The following TBL1X variants were observed in gnomAD, a reference collection of about 807,000 sequenced individuals.
The protein encoded by TBL1X is transducin beta like 1 X-linked.
A neutral mutation model predicts 50.7 loss-of-function variants in TBL1X; 10 were observed. The observed-to-expected ratio is 0.20, with a 90% CI of 0.12 to 0.33. The LOEUF is 0.33. Among genes scored for constraint, TBL1X ranks in the 10% least tolerant of loss-of-function variants. The probability of loss-of-function intolerance (pLI) is 1.00; values close to 1 mark genes in which losing one functional copy is unlikely to be tolerated. For missense variants in TBL1X, 340 were observed against 504.4 expected (o/e 0.67, Z 3.12); for synonymous variants, 190 against 214.7 (o/e 0.88, Z 1.01).
intron 2 of TBL1X, among the ~76,000 whole-genome samples, chrX:9,507,374 C>G (rs2082031335): frequency 9.0e-6 from 1 of 111,388 alleles, no homozygotes; most frequent in Admixed American, 9.6e-5. Flanking sequence ...CCTAGGAATA[C>G]AAGTAACAAG....
intron 2 of TBL1X, among the ~76,000 whole-genome samples, chrX:9,583,989 G>A (rs1480842700): frequency 8.9e-6 from 1 of 112,304 alleles, no homozygotes; most frequent in Non-Finnish European, 1.9e-5. Context: ...AAAATGTATG[G>A]AATGAAGCTC....
intron 2 of TBL1X, among the ~76,000 whole-genome samples, chrX:9,585,884 T>G (rs746433419): frequency 8.9e-6 from 1 of 112,140 alleles, no homozygotes; most frequent in South Asian, 3.7e-4. Context: ...GGAACACAGT[T>G]GAACCCGTAG....
At chrX:9,686,081 C>T (rs1038245377) in intron 6 of TBL1X, among the ~76,000 whole-genome samples, 6 of 111,425 alleles carry the variant, frequency 5.4e-5, no homozygotes, top group Admixed American at 9.5e-5. Flanking sequence ...TTCGAAACTC[C>T]GGTGTTTTTT....
At chrX:9,537,168 G>T (rs1177709886) in intron 2 of TBL1X, among the ~76,000 whole-genome samples, 1 of 111,352 alleles carries the variant, frequency 9.0e-6, no homozygotes, top group Admixed American at 9.5e-5. Context: ...AGGGATCTTG[G>T]TTTTTACCTT....
At chrX:9,517,492 C>T (rs188203767) in intron 2 of TBL1X, among the ~76,000 whole-genome samples, 164 of 111,614 alleles carry the variant, frequency 1.5e-3, no homozygotes, top group African/African-American at 5.1e-3. Flanking sequence ...TGCATTCAAG[C>T]CAGCATAGCA....
chrX:9,590,932 G>T (rs944555105), intron 2 of TBL1X, among the ~76,000 whole-genome samples: 6 of 103,891 alleles, frequency 5.8e-5, no homozygotes, highest in African/African-American at 1.8e-4. Flanking sequence ...TCAGGGGGCT[G>T]TGCCTTTCTC....
chrX:9,517,436 A>G (rs1175106143), intron 2 of TBL1X, among the ~76,000 whole-genome samples: 1 of 111,706 alleles, frequency 9.0e-6, no homozygotes, highest in African/African-American at 3.3e-5. Flanking sequence ...GTATTATAGC[A>G]GGGACCTTTT....
At chrX:9,549,090 A>G (rs957794981) in intron 2 of TBL1X, among the ~76,000 whole-genome samples, 1 of 112,971 alleles carries the variant, frequency 8.9e-6, no homozygotes, top group Non-Finnish European at 1.9e-5. Flanking sequence ...AAGAAAGTGC[A>G]TTGCACTAAG....
intron 2 of TBL1X, among the ~76,000 whole-genome samples, chrX:9,554,362 T>G (rs1231910996): frequency 8.9e-6 from 1 of 112,652 alleles, no homozygotes; most frequent in Non-Finnish European, 1.9e-5. Flanking sequence ...ATCTTCCAGA[T>G]TGTGTTGTGA....
At chrX:9,665,970 G>T (rs758725086) in intron 5 of TBL1X, among the ~76,000 whole-genome samples, 10 of 111,407 alleles carry the variant, frequency 9.0e-5, no homozygotes, top group Non-Finnish European at 1.7e-4. Context: ...TGCACTTTTG[G>T]ATTAGAGAAG....
intron 2 of TBL1X, among the ~76,000 whole-genome samples, chrX:9,503,584 C>T (rs2082012097): frequency 8.8e-6 from 1 of 113,321 alleles, no homozygotes; most frequent in Non-Finnish European, 1.9e-5. Context: ...CGCTTTTCCC[C>T]TGCTAGAGCC....
At chrX:9,546,396 C>T (rs1158467782) in intron 2 of TBL1X, among the ~76,000 whole-genome samples, 1 of 111,703 alleles carries the variant, frequency 9.0e-6, no homozygotes, top group Non-Finnish European at 1.9e-5. Context: ...CGCCTGTAGT[C>T]CCAGCTACTG....
chrX:9,548,393 G>A (rs1215643315), intron 2 of TBL1X, among the ~76,000 whole-genome samples: 1 of 111,457 alleles, frequency 9.0e-6, no homozygotes, highest in Non-Finnish European at 1.9e-5. Context: ...TATCTTTTTT[G>A]TGTGTTTCTT....
intron 2 of TBL1X, among the ~76,000 whole-genome samples, chrX:9,563,543 T>TAAA (rs751314976): frequency 8.9e-6 from 1 of 112,956 alleles, no homozygotes; most frequent in African/African-American, 3.2e-5. Flanking sequence ...TTTCGTATTT[T>TAAA]AAAAAATTTT....
chrX:9,595,340 C>T (rs2082521901), intron 2 of TBL1X, among the ~76,000 whole-genome samples: 1 of 112,333 alleles, frequency 8.9e-6, no homozygotes, highest in Non-Finnish European at 1.9e-5. Context: ...GATTTCCTGG[C>T]CATCCATCAG....
chrX:9,483,873 T>C (rs1225923705), intron 1 of TBL1X, among the ~76,000 whole-genome samples: 2 of 111,778 alleles, frequency 1.8e-5, no homozygotes, highest in Middle Eastern at 4.2e-3. Context: ...TACGCTAATA[T>C]GTAGTCTTGG....
chrX:9,682,891 G>GT (rs771580573), intron 5 of TBL1X, among the ~76,000 whole-genome samples: 1 of 112,054 alleles, frequency 8.9e-6, no homozygotes, highest in East Asian at 2.8e-4. Flanking sequence ...TGTAAACAGT[G>GT]TGAGAGTTGA....
intron 5 of TBL1X, among the ~76,000 whole-genome samples, chrX:9,663,373 C>T (rs1457464389): frequency 1.8e-5 from 2 of 112,104 alleles, no homozygotes; most frequent in African/African-American, 6.5e-5. Context: ...TGGAGCACCA[C>T]TCAGCTGTGA....
At chrX:9,521,690 A>G (rs929198502) in intron 2 of TBL1X, among the ~76,000 whole-genome samples, 1 of 111,690 alleles carries the variant, frequency 9.0e-6, no homozygotes, top group Non-Finnish European at 1.9e-5. Flanking sequence ...CAGATACTGT[A>G]TTTTCCATCT....
Sources: allele counts gnomAD v4.1 joint callset (sites outside exome capture counted in the v4.1 genomes callset), GRCh38; gene constraint gnomAD v4.1.1; transcripts MANE v1.5; gene names NCBI Gene and HGNC (gene_info 2026-07-23, HGNC 2026-07-21).